The following DIO1 variants were observed in gnomAD, a reference collection of about 807,000 sequenced individuals.
DIO1 encodes the protein type I iodothyronine deiodinase.
A neutral mutation model predicts 25.9 loss-of-function variants in DIO1; 17 were observed. The ratio of observed to expected loss-of-function variants is 0.66; its 90% CI spans 0.45 to 0.98. DIO1 has a LOEUF of 0.98. DIO1 is among the 50% of genes least tolerant of loss of function. The pLI is 0.00. For missense variants in DIO1, 270 were observed against 310.4 expected, an observed-to-expected ratio of 0.87 and a Z score of 0.98; for synonymous variants, 115 against 114.0, an observed-to-expected ratio of 1.01 and a Z score of -0.05.
At chr1:53,899,266 A>C (rs1419169901) in intron 1 of DIO1, among the ~76,000 whole-genome samples, 1 of 152,180 alleles carries the variant, frequency 6.6e-6, no homozygotes, top group Non-Finnish European at 1.5e-5. Context: ...CTGTACTTAC[A>C]AGTGTTGTCC....
chr1:53,898,084 G>C (rs1221245842), intron 1 of DIO1, among the ~76,000 whole-genome samples: 1 of 152,158 alleles, frequency 6.6e-6, no homozygotes, highest in Non-Finnish European at 1.5e-5. Flanking sequence ...GGGCACTGGG[G>C]GCAGGAACCC....
intron 1 of DIO1, among the ~76,000 whole-genome samples, chr1:53,898,145 G>C (rs1412913789): frequency 6.6e-6 from 1 of 152,130 alleles, no homozygotes; most frequent in Non-Finnish European, 1.5e-5. Context: ...CTGGAGGAGA[G>C]GATGGTGTGC....
chr1:53,907,110 C>A (rs928427399), intron 3 of DIO1, among the ~76,000 whole-genome samples: 1 of 152,188 alleles, frequency 6.6e-6, no homozygotes, highest in African/African-American at 2.4e-5. Context: ...TGAACCAGGG[C>A]TGGCGGGGTA....
intron 3 of DIO1, among the ~76,000 whole-genome samples, chr1:53,906,837 A>T (rs576344226): frequency 8.5e-4 from 129 of 152,222 alleles, no homozygotes; most frequent in Non-Finnish European, 1.4e-3. Context: ...TATTTTTAGT[A>T]GAGACGGGGT....
At position 53,903,799 on chromosome 1, in the gene DIO1, A is replaced by G. The variant is rs923547181; in HGVS notation, c.338-867A>G. On this transcript the variant is annotated intron_variant, in intron 1 of 3. Coordinates refer to ENST00000361921, the MANE Select transcript of DIO1 (RefSeq NM_000792.7). ...CGGAGGCGGAGTTTGCAGTGAGCTG[A>G]GATCACACCACTGCACTCCAGCCTG... 4.6e-5 allele frequency among the ~76,000 whole-genome samples: 7 copies of G among 151,926 alleles called. 1 individual carries two copies. The highest frequency in any genetic ancestry group is 1.7e-4 in the African/African-American group (7 of 41,182).
At chr1:53,905,608 C>T (rs532242394) in intron 2 of DIO1, among the ~76,000 whole-genome samples, 30 of 152,336 alleles carry the variant, frequency 2.0e-4, no homozygotes, top group South Asian at 1.7e-3. Context: ...AGTCCATCCA[C>T]GCTGACGCCT....
chr1:53,898,510 C>T (rs143517812), intron 1 of DIO1, among the ~76,000 whole-genome samples: 3,490 of 151,970 alleles, frequency 0.023, 295 homozygotes, highest in Admixed American at 0.17. Flanking sequence ...TTTGGGAGGC[C>T]GAGGCCAGCG....
intron 1 of DIO1, among the ~76,000 whole-genome samples, chr1:53,896,725 C>G (rs1341754634): frequency 1.3e-5 from 2 of 152,080 alleles, no homozygotes; most frequent in African/African-American, 4.8e-5. Flanking sequence ...ATAAACAAAT[C>G]CTTACAGTCC....
At chr1:53,898,732 G>T (rs572262752) in intron 1 of DIO1, among the ~76,000 whole-genome samples, 3 of 124,328 alleles carry the variant, frequency 2.4e-5, no homozygotes, top group Non-Finnish European at 4.8e-5. Context: ...GCAACAAAGC[G>T]AGACTCTGTC....
chr1:53,898,726 C>T (rs1326108376), intron 1 of DIO1, among the ~76,000 whole-genome samples: 1 of 114,598 alleles, frequency 8.7e-6, no homozygotes, highest in East Asian at 2.9e-4. Context: ...GCCTGGGCAA[C>T]AAAGCGAGAC....
intron 1 of DIO1, among the ~76,000 whole-genome samples, chr1:53,898,560 C>T (rs1222171475): frequency 6.6e-6 from 1 of 151,998 alleles, no homozygotes; most frequent in East Asian, 1.9e-4. Context: ...GCCTGGCCAA[C>T]CTGATGAAAT....
intron 3 of DIO1, 24 bp downstream of exon 3, chr1:53,906,318 C>A: frequency 2.5e-6 from 4 of 1,592,380 alleles, no homozygotes; most frequent in Non-Finnish European, 3.4e-6. Context: ...GACAGGGGGC[C>A]CAGGGAGGGC....
At chr1:53,908,214 T>C (rs1480124601) in intron 3 of DIO1, among the ~76,000 whole-genome samples, 2 of 150,068 alleles carry the variant, frequency 1.3e-5, no homozygotes, top group East Asian at 4.0e-4. Context: ...AGAGCGAGAC[T>C]CCGTCTCAAA....
chr1:53,895,993 T>A (rs1343048145), intron 1 of DIO1, among the ~76,000 whole-genome samples: 1 of 152,104 alleles, frequency 6.6e-6, no homozygotes, highest in East Asian at 1.9e-4. Context: ...TGGCTCTCTG[T>A]CTGCACCTCT....
intron 1 of DIO1, among the ~76,000 whole-genome samples, chr1:53,898,251 T>G (rs1311198196): frequency 6.6e-6 from 1 of 151,918 alleles, no homozygotes; most frequent in Non-Finnish European, 1.5e-5. Flanking sequence ...AGGTCTGAGA[T>G]GTGGAGAAGC....
At chr1:53,903,250 C>T (rs960762255) in intron 1 of DIO1, 1 of 151,948 alleles carries the variant, frequency 6.6e-6, no homozygotes, top group Non-Finnish European at 1.5e-5. Flanking sequence ...CTCTTGCCCA[C>T]CCTTTCCCCC....
intron 1 of DIO1, among the ~76,000 whole-genome samples, chr1:53,898,650 C>T (rs1405314323): frequency 6.7e-6 from 1 of 148,974 alleles, no homozygotes; most frequent in Non-Finnish European, 1.5e-5. Flanking sequence ...GAGGCTGAGG[C>T]AGGAGAATTG....
At chr1:53,905,006 A>G (rs528653133) in intron 2 of DIO1, among the ~76,000 whole-genome samples, 197 bp downstream of exon 2, 1 of 152,274 alleles carries the variant, frequency 6.6e-6, no homozygotes, top group African/African-American at 2.4e-5. Flanking sequence ...CAACCAGGGT[A>G]CAGAGAGCAG....
At chr1:53,905,997 G>A in intron 2 of DIO1, 98 bp from the exon 3 acceptor site, 2 of 1,119,392 alleles carry the variant, frequency 1.8e-6, no homozygotes, top group Non-Finnish European at 2.6e-6. Flanking sequence ...ATTGCCAAGG[G>A]CTCCTCTGAG....
Sources: gnomAD v4.1 joint callset for allele counts (sites outside exome capture counted in the v4.1 genomes callset) on GRCh38, gnomAD v4.1.1 for gene constraint, MANE v1.5 for transcripts, NCBI Gene and HGNC (gene_info 2026-07-23, HGNC 2026-07-21) for gene names.